Variants in PARP11 observed in about 807,000 individuals in gnomAD.
PARP11 encodes the protein poly(ADP-ribose) polymerase family member 11.
A neutral mutation model predicts 42.9 loss-of-function variants in PARP11; 31 were observed. That is an observed-to-expected ratio of 0.72 (90% CI 0.54 to 0.98). The LOEUF is 0.98. Ranked by LOEUF, PARP11 falls within the 50% of genes least tolerant of loss-of-function variation. The probability of loss-of-function intolerance (pLI) is 0.00; values close to 1 mark genes in which losing one functional copy is unlikely to be tolerated. For synonymous variants in PARP11, 137 were observed against 127.3 expected, an observed-to-expected ratio of 1.08 and a Z score of -0.51; for missense variants, 365 against 413.1, an observed-to-expected ratio of 0.88 and a Z score of 1.01.
At chr12:3,845,329 G>A (rs1344239752) in intron 1 of PARP11, among the ~76,000 whole-genome samples, 1 of 152,180 alleles carries the variant, frequency 6.6e-6, no homozygotes, top group South Asian at 2.1e-4. Context: ...GCAAGAGTAG[G>A]TTTCCCAGAC....
intron 1 of PARP11, chr12:3,841,455 T>C (rs1331099692): frequency 7.3e-7 from 1 of 1,375,664 alleles, no homozygotes; most frequent in South Asian, 1.2e-5. Flanking sequence ...AAAGTGATTG[T>C]ACCTGTACTG....
At chr12:3,819,324 G>C (rs1947349172) in intron 6 of PARP11, among the ~76,000 whole-genome samples, 1 of 152,272 alleles carries the variant, frequency 6.6e-6, no homozygotes, top group Non-Finnish European at 1.5e-5. Flanking sequence ...TTTAATTACT[G>C]AAACAATTTC....
chr12:3,873,207 C>G lies in PARP11; in HGVS notation c.18+5G>C. On this transcript the variant is annotated splice_donor_5th_base_variant and intron_variant, in intron 1 of 7. Transcript: ENST00000228820. ...GGGCCCGCCCCGTCCCGCCCGGCTACTCACTGGATTCGCTTCCCACATAAC... is the reference window on the plus strand; with the variant it reads ...GGGCCCGCCCCGTCCCGCCCGGCTAGTCACTGGATTCGCTTCCCACATAAC... The G allele has an allele frequency of 6.6e-7, 1 of 1,513,594 alleles. No individual in the cohort carries two copies. Among genetic ancestry groups the G allele is most frequent in the Non-Finnish European group, 9.0e-7 (1 of 1,117,114 alleles). The allele number at this position is 1,513,594 out of a possible 1,614,324, so 93.8% of individuals were successfully genotyped here. A position where few individuals can be genotyped will look rare whatever the true frequency, so the allele number is the denominator to read the frequency against.
intron 1 of PARP11, chr12:3,839,689 G>A: frequency 1.0e-6 from 1 of 1,002,946 alleles, no homozygotes; most frequent in East Asian, 2.4e-5. Context: ...TCCTTCACAA[G>A]TAACTGAAAA....
At chr12:3,872,626 T>C in intron 1 of PARP11, 3 of 985,196 alleles carry the variant, frequency 3.0e-6, no homozygotes, top group Non-Finnish European at 3.6e-6. Context: ...TAAACGACTG[T>C]CCACCAAGAA....
intron 1 of PARP11, among the ~76,000 whole-genome samples, chr12:3,844,968 T>C (rs1320643703): frequency 6.6e-6 from 1 of 152,236 alleles, no homozygotes; most frequent in Non-Finnish European, 1.5e-5. Context: ...TATGTTGACA[T>C]ATTTCTTTAT....
chr12:3,832,928 G>A (rs1947675093), intron 1 of PARP11, among the ~76,000 whole-genome samples: 1 of 152,186 alleles, frequency 6.6e-6, no homozygotes, highest in Admixed American at 6.5e-5. Context: ...TATGCTGGTA[G>A]AGCCTGTCCG....
At chr12:3,863,312 A>G (rs1380314198) in intron 1 of PARP11, among the ~76,000 whole-genome samples, 3 of 152,220 alleles carry the variant, frequency 2.0e-5, no homozygotes, top group Non-Finnish European at 4.4e-5. Flanking sequence ...GAATAAAGAC[A>G]GCTTTACTTC....
intron 1 of PARP11, among the ~76,000 whole-genome samples, chr12:3,837,867 AAAT>A (rs1289806532): frequency 6.6e-6 from 1 of 152,124 alleles, no homozygotes; most frequent in South Asian, 2.1e-4. Flanking sequence ...GAAGGTCAAT[AAAT>A]AATGATAATG....
Position 3,829,986 on chromosome 12 carries a change from A to G in PARP11, c.51T>C (p.Ser17=). The part of the protein sequence containing the change: ...EMFHKAEELF[S]KTTNNEVDDM... ...CATCCACTTCATTGTTTGTTGTTTTAGAAAATAATTCTTCTGCTTTGTGAA... is the reference window on the plus strand; with the variant it reads ...CATCCACTTCATTGTTTGTTGTTTTGGAAAATAATTCTTCTGCTTTGTGAA... Residue 17 remains serine, a synonymous_variant, in exon 2 of 8, where the codon TCT becomes TCC. Transcript: ENST00000228820. The G allele has an allele frequency of 1.2e-6, 2 of 1,613,920 alleles. No individual in the cohort carries two copies. Among genetic ancestry groups the G allele is most frequent in the Non-Finnish European group, 1.7e-6 (2 of 1,179,808 alleles).
At chr12:3,857,452 T>G (rs1948214075) in intron 1 of PARP11, among the ~76,000 whole-genome samples, 1 of 152,142 alleles carries the variant, frequency 6.6e-6, no homozygotes, top group Admixed American at 6.5e-5. Flanking sequence ...TTTGACATTA[T>G]TATCCTAGAA....
intron 1 of PARP11, among the ~76,000 whole-genome samples, chr12:3,865,707 ATTTAGT>A (rs1310900544): frequency 4.6e-5 from 7 of 152,094 alleles, no homozygotes; most frequent in African/African-American, 1.7e-4. Context: ...ATCTTTCTCT[ATTTAGT>A]TTTATTCTAT....
chr12:3,819,303 A>G (rs920325020), intron 6 of PARP11, among the ~76,000 whole-genome samples: 3 of 152,154 alleles, frequency 2.0e-5, no homozygotes, highest in Admixed American at 1.3e-4. Context: ...AGGCAACCCA[A>G]CGTGTCTCAG....
chr12:3,850,147 T>C (rs1175275044), intron 1 of PARP11, among the ~76,000 whole-genome samples: 2 of 152,088 alleles, frequency 1.3e-5, no homozygotes, highest in African/African-American at 2.4e-5. Context: ...GTAAATAAGA[T>C]GGTATATGTA....
chr12:3,811,377 C>T lies in PARP11; in HGVS notation c.*746G>A, dbSNP rs987361672. 10 of 152,196 alleles carry T rather than the reference C, an allele frequency of 6.6e-5. No individual in the cohort carries two copies. Among genetic ancestry groups the T allele is most frequent in the Admixed American group, 2.6e-4 (4 of 15,290 alleles). 9.4% of individuals were successfully genotyped at this position (152,196 alleles called of 1,614,324 possible). On this transcript the variant is annotated 3_prime_UTR_variant, in exon 8 of 8. Transcript: ENST00000228820. ...GCAATAAACACCTTGCACAGCAAGT[C>T]GTGGTGTAAGAATCCAAGAGCCCTG...
intron 1 of PARP11, among the ~76,000 whole-genome samples, chr12:3,859,557 G>A (rs1948260837): frequency 1.8e-5 from 2 of 109,850 alleles, no homozygotes; most frequent in Admixed American, 1.0e-4. Flanking sequence ...GTGAGACTCT[G>A]CTAAAAAAAA....
chr12:3,842,655 G>A (rs1372453716), intron 1 of PARP11: 1 of 637,644 alleles, frequency 1.6e-6, no homozygotes, highest in Non-Finnish European at 2.8e-6. Flanking sequence ...TCCCATACTC[G>A]ACAAGACATT....
At chr12:3,856,594 T>C (rs1187915368) in intron 1 of PARP11, among the ~76,000 whole-genome samples, 3 of 152,160 alleles carry the variant, frequency 2.0e-5, no homozygotes, top group Non-Finnish European at 2.9e-5. Flanking sequence ...CCAGTTAGAA[T>C]GGCAATCATT....
chr12:3,809,386 A>C lies in PARP11; in HGVS notation c.*2737T>G, dbSNP rs76011121. Reference sequence around the variant, plus strand: ...GGGGTTGGCAGTACATTCTCAGACCAAACAACAACAACAAGCCCCAAAAAA... The same window carrying C: ...GGGGTTGGCAGTACATTCTCAGACCCAACAACAACAACAAGCCCCAAAAAA... On this transcript the variant is annotated 3_prime_UTR_variant, in exon 8 of 8. Transcript: ENST00000228820. The C allele has an allele frequency of 6.6e-6, 1 of 152,188 alleles. No individual in the cohort carries two copies. Among genetic ancestry groups the C allele is most frequent in the African/African-American group, 2.4e-5 (1 of 41,448 alleles). 9.4% of individuals were successfully genotyped at this position (152,188 alleles called of 1,614,324 possible). A position where few individuals can be genotyped will look rare whatever the true frequency, so the allele number is the denominator to read the frequency against.
Sources: allele counts gnomAD v4.1 joint callset (sites outside exome capture counted in the v4.1 genomes callset), GRCh38; gene constraint gnomAD v4.1.1; transcripts MANE v1.5; gene names NCBI Gene and HGNC (gene_info 2026-07-23, HGNC 2026-07-21).